The following SMG9 variants were observed in gnomAD, a reference collection of about 807,000 sequenced individuals.
SMG9 encodes the protein SMG9 nonsense mediated mRNA decay factor, also known as nonsense-mediated mRNA decay factor SMG9.
SMG9 carries 55 observed loss-of-function variants against 64.0 expected under a neutral mutation model. The ratio of observed to expected loss-of-function variants is 0.86; its 90% CI spans 0.69 to 1.08. The LOEUF (loss-of-function observed/expected upper bound fraction) is 1.08, where lower values mean the gene tolerates loss of function less well. SMG9 is among the 50% of genes least tolerant of loss of function. The probability of loss-of-function intolerance (pLI) is 0.00; values close to 1 mark genes in which losing one functional copy is unlikely to be tolerated. For missense variants in SMG9, 554 were observed against 681.3 expected (o/e 0.81, Z 2.08); for synonymous variants, 244 against 254.8 (o/e 0.96, Z 0.41).
rs779114982 is a variant in SMG9, at chr19:43,744,754, T to C, written c.701+18A>G. 13 of 1,593,068 alleles carry C rather than the reference T, an allele frequency of 8.2e-6. No individual in the cohort carries two copies. In the African/African-American group the frequency reaches 1.3e-4, roughly 16 times the overall value. ...GGGTGCCCACCTCCCTCCTGCACCC[T>C]ATCTGATAGCCCCTCACCTCTGGTC... is the stretch of plus-strand genomic sequence containing the variant. On this transcript the variant is annotated intron_variant, in intron 6 of 13. Transcript: ENST00000270066.
chr19:43,751,843 G>C (rs1215023721), intron 1 of SMG9, among the ~76,000 whole-genome samples: 1 of 152,206 alleles, frequency 6.6e-6, no homozygotes, highest in Non-Finnish European at 1.5e-5. Flanking sequence ...TGCCTACTTC[G>C]AGAGGCAGTG....
chr19:43,738,133 C>T lies in SMG9; in HGVS notation c.898G>A (p.Val300Ile), dbSNP rs768806823. The change falls in exon 8 of 14, where the codon GTT (valine) becomes ATT (isoleucine). Residue 300 changes from valine to isoleucine, a missense_variant. Physicochemically the swap from Val to Ile is conservative, Grantham distance 29. Coordinates refer to ENST00000270066, the MANE Select transcript of SMG9 (RefSeq NM_019108.4). Reference protein sequence around the residue: ...PPEYNLPHTYVEMQSLQIAAF... With the variant: ...PPEYNLPHTYIEMQSLQIAAF... ...CTTGGCTCCCTCACCTGCATTTCAA[C>T]GTAAGTGTGGGGAAGGTTGTACTCT... 1.5e-5 allele frequency: 25 copies of T among 1,613,896 alleles called. No homozygotes were observed. The highest frequency in any genetic ancestry group is 1.1e-4 in the East Asian group (5 of 44,892).
Position 43,749,952 on chromosome 19 carries a change from A to C in SMG9, c.150+640T>G, listed in dbSNP as rs186924628. Among the ~76,000 whole-genome samples, 342 of 152,340 alleles carry C rather than the reference A, an allele frequency of 2.2e-3. 6 individuals are homozygous for C. Among genetic ancestry groups the C allele is most frequent in the Non-Finnish European group, 1.1e-3 (74 of 68,028 alleles). On this transcript the variant is annotated intron_variant, in intron 2 of 13. Transcript: ENST00000270066. ...TTAGTGAAAATCAGATCTATCATAG[A>C]ATCTACCTCATGGGGTAGCTGTAAG...
rs1457298431 is a variant in SMG9, at chr19:43,740,166, G to A, written c.754C>T (p.Gln252Ter). Residue 252 changes from glutamine (Q) to a stop codon, truncating the protein, a stop_gained, in exon 7 of 14, where the codon CAG becomes TAG. Coordinates refer to ENST00000270066, the MANE Select transcript of SMG9 (RefSeq NM_019108.4). LOFTEE classifies it high-confidence loss of function. The part of the protein sequence containing the change: ...SAEMKERGGN[Q>*]TSGIDFFITQ... Reference sequence around the variant, plus strand: ...ATAAAGAAGTCGATGCCACTGGTCTGGTTGCCCCCTCGTTCCTTCATTTCA... The same window carrying A: ...ATAAAGAAGTCGATGCCACTGGTCTAGTTGCCCCCTCGTTCCTTCATTTCA... 2 of 1,614,198 alleles carry A rather than the reference G, an allele frequency of 1.2e-6. No homozygotes were observed. Among genetic ancestry groups the A allele is most frequent in the Non-Finnish European group, 1.7e-6 (2 of 1,180,032 alleles).
At position 43,747,992 on chromosome 19, in the gene SMG9, GT is replaced by G; in HGVS notation, c.210del (p.Lys70AsnfsTer32). 1 of 1,614,132 alleles carries G rather than the reference GT, an allele frequency of 6.2e-7. No individual in the cohort carries two copies. Among genetic ancestry groups the G allele is most frequent in the Non-Finnish European group, 8.5e-7 (1 of 1,180,020 alleles). On this transcript the variant is annotated frameshift_variant, in exon 3 of 14. Transcript: ENST00000270066. LOFTEE classifies it high-confidence loss of function. ...TCTCTGCTCACCCGCTCTGCTGGAG[GT>G]TTTGAGAGGATGATGGGGGTTTTCT... ...VMQKTPIILS[K>X]PPAERSKQPP...
chr19:43,741,892 A>G lies in SMG9; in HGVS notation c.702-1674T>C, dbSNP rs547136644. 2.0e-5 allele frequency among the ~76,000 whole-genome samples: 3 copies of G among 152,312 alleles called. No homozygotes were observed. In the South Asian group the frequency reaches 6.2e-4, roughly 32 times the overall value. The stretch of plus-strand genomic sequence containing the variant: ...TAAGGGCATGGTCGCTCATGCCTGT[A>G]ATCCCAGAGCTTTGGGAGGCCAAGG... On this transcript the variant is annotated intron_variant, in intron 6 of 13. Transcript: ENST00000270066.
chr19:43,753,312 T>A (rs1436247308), intron 1 of SMG9, among the ~76,000 whole-genome samples: 1 of 152,174 alleles, frequency 6.6e-6, no homozygotes, highest in African/African-American at 2.4e-5. Context: ...TAAGTGTCTT[T>A]ACACATTATT....
chr19:43,744,855 C>A lies in SMG9; in HGVS notation c.618G>T (p.Val206=). ...TCCCCTGGAGGCCCAGGACACCAAC[C>A]ACCAACACATCAGTCTGATCCAACA... ...EYLLDQTDVL[V]VGVLGLQGTG... is the part of the protein sequence containing the mutation. The change falls in exon 6 of 14, where the codon GTG becomes GTT. Residue 206 remains valine, a synonymous_variant. Transcript: ENST00000270066. 1 of 1,613,938 alleles carries A rather than the reference C, an allele frequency of 6.2e-7. No individual in the cohort carries two copies. The highest frequency in any genetic ancestry group is 2.2e-5 in the East Asian group (1 of 44,864).
chr19:43,753,624 C>A (rs1213871682), intron 1 of SMG9, among the ~76,000 whole-genome samples: 1 of 151,914 alleles, frequency 6.6e-6, no homozygotes, highest in African/African-American at 2.4e-5. Flanking sequence ...CCAGGCCGGG[C>A]TAAGTTTTGC....
intron 1 of SMG9, among the ~76,000 whole-genome samples, chr19:43,752,279 C>T (rs1395953712): frequency 1.3e-5 from 2 of 152,206 alleles, no homozygotes; most frequent in Non-Finnish European, 2.9e-5. Context: ...ACCCACTCTC[C>T]ACCATTTCAG....
rs1448136184 is a variant in SMG9, at chr19:43,733,639, G to A, written c.1197C>T (p.His399=). 3.7e-6 allele frequency: 6 copies of A among 1,614,094 alleles called. No individual in the cohort carries two copies. In the South Asian group the frequency reaches 6.6e-5, roughly 18 times the overall value. Residue 399 remains histidine, a synonymous_variant, in exon 11 of 14, where the codon CAC becomes CAT. Coordinates refer to ENST00000270066, the MANE Select transcript of SMG9 (RefSeq NM_019108.4). ...LMIDQLMAHS[H]LRYKGTLSML... ...GGGAACCCTTACCCTTGTAACGCAG[G>A]TGGGAGTGGGCCATGAGCTGGTCAA...
chr19:43,732,839 C>A lies in SMG9; in HGVS notation c.1484+19G>T. The A allele has an allele frequency of 6.2e-7, 1 of 1,613,630 alleles. No individual in the cohort carries two copies. Among genetic ancestry groups the A allele is most frequent in the Non-Finnish European group, 8.5e-7 (1 of 1,179,998 alleles). ...GGGTGGGGTGCCTCAAATTGACCCC[C>A]TCTGCAAAGAGCTCTTACCAGTTCT... On this transcript the variant is annotated intron_variant, in intron 13 of 13. Transcript: ENST00000270066.
intron 8 of SMG9, chr19:43,737,899 G>A: frequency 3.1e-6 from 2 of 647,044 alleles, no homozygotes; most frequent in Non-Finnish European, 2.7e-6. Flanking sequence ...AGATGCTGAG[G>A]CGTCAAAGGG....
At chr19:43,752,902 T>TTAAAAAAAAAAAAAAAAAAAAAAAAAAA (rs1969231724) in intron 1 of SMG9, among the ~76,000 whole-genome samples, 1 of 96,300 alleles carries the variant, frequency 1.0e-5, no homozygotes, top group African/African-American at 4.7e-5. Flanking sequence ...AGACCCTGTC[T>TTAAAAAAAAAAAAAAAAAAAAAAAAAAA]AAAAAAAAAA....
intron 2 of SMG9, chr19:43,750,176 T>C (rs769973346): frequency 1.9e-6 from 1 of 524,162 alleles, no homozygotes; most frequent in Non-Finnish European, 3.8e-6. Context: ...TACCAGGTCC[T>C]ACATGATTTG....
At chr19:43,734,556 G>C in intron 9 of SMG9, 61 bp from the exon 10 acceptor site, 1 of 1,126,522 alleles carries the variant, frequency 8.9e-7, no homozygotes, top group Non-Finnish European at 1.3e-6. Flanking sequence ...CCACAGCCTG[G>C]GACAGGGGCT....
In SMG9 at chr19:43,731,101, G is replaced by A. The variant is rs1968467541; in HGVS notation, c.*495C>T. 15 of 985,994 alleles carry A rather than the reference G, an allele frequency of 1.5e-5. No homozygotes were observed. In the South Asian group the frequency reaches 4.7e-4, roughly 31 times the overall value. The allele number at this position is 985,994 out of a possible 1,614,324, so 61.1% of individuals were successfully genotyped here. ...AAGGGCTGGGTGTCCAATTTGTCCTGCTTCCCAGAGCTGCATGGTGGGTAG... is the reference window on the plus strand; with the variant it reads ...AAGGGCTGGGTGTCCAATTTGTCCTACTTCCCAGAGCTGCATGGTGGGTAG... On this transcript the variant is annotated 3_prime_UTR_variant, in exon 14 of 14. Coordinates refer to ENST00000270066, the MANE Select transcript of SMG9 (RefSeq NM_019108.4).
At position 43,731,125 on chromosome 19, in the gene SMG9, A is replaced by G; in HGVS notation, c.*471T>C. 1 of 987,690 alleles carries G rather than the reference A, an allele frequency of 1.0e-6. No homozygotes were observed. The allele number at this position is 987,690 out of a possible 1,614,324, so 61.2% of individuals were successfully genotyped here. On this transcript the variant is annotated 3_prime_UTR_variant, in exon 14 of 14. Transcript: ENST00000270066. ...TGCTTCCCAGAGCTGCATGGTGGGT[A>G]GAGGAGTAAGTGGAACATAAGAACA...
intron 6 of SMG9, among the ~76,000 whole-genome samples, chr19:43,742,301 G>T (rs1166355838): frequency 6.6e-6 from 1 of 152,148 alleles, no homozygotes; most frequent in Non-Finnish European, 1.5e-5. Flanking sequence ...GTTGGGCATG[G>T]TGGTGCATAC....
Sources: allele counts gnomAD v4.1 joint callset (sites outside exome capture counted in the v4.1 genomes callset), GRCh38; gene constraint gnomAD v4.1.1; transcripts MANE v1.5; gene names NCBI Gene and HGNC (gene_info 2026-07-23, HGNC 2026-07-21).